Variants in NCAM2 observed in about 807,000 individuals in gnomAD.
NCAM2 encodes N-CAM-2.
NCAM2 carries 30 observed loss-of-function variants against 98.1 expected under a neutral mutation model. That is an observed-to-expected ratio of 0.31 (90% CI 0.23 to 0.41). The LOEUF is 0.41. NCAM2 is among the 10% of genes least tolerant of loss of function. NCAM2 has a pLI of 1.00. For synonymous variants in NCAM2, 368 were observed against 342.4 expected, an observed-to-expected ratio of 1.07 and a Z score of -0.83; for missense variants, 867 against 1,005.8, an observed-to-expected ratio of 0.86 and a Z score of 1.87.
chr21:21,448,838 G>A (rs1349208240), intron 12 of NCAM2, among the ~76,000 whole-genome samples: 4 of 151,988 alleles, frequency 2.6e-5, no homozygotes, highest in African/African-American at 9.7e-5. Context: ...AAGAAAATTT[G>A]TTCTGATTTG....
intron 6 of NCAM2, among the ~76,000 whole-genome samples, chr21:21,330,391 A>G (rs572815470): frequency 6.6e-6 from 1 of 152,132 alleles, no homozygotes; most frequent in East Asian, 1.9e-4. Context: ...TTTTAATACT[A>G]TTCATTTAGA....
intron 1 of NCAM2, among the ~76,000 whole-genome samples, chr21:21,056,690 G>A (rs1284741737): frequency 6.6e-6 from 1 of 151,970 alleles, no homozygotes; most frequent in Non-Finnish European, 1.5e-5. Flanking sequence ...AGGAAGAGTC[G>A]AAATTCTTCC....
chr21:21,183,529 A>G (rs1417904786), intron 1 of NCAM2, among the ~76,000 whole-genome samples: 1 of 152,154 alleles, frequency 6.6e-6, no homozygotes, highest in Non-Finnish European at 1.5e-5. Context: ...TGGTAAGGGG[A>G]GAGACCTTGT....
intron 1 of NCAM2, among the ~76,000 whole-genome samples, chr21:21,246,432 A>G (rs572985288): frequency 6.6e-6 from 1 of 152,330 alleles, no homozygotes; most frequent in East Asian, 1.9e-4. Flanking sequence ...TTGATAGATG[A>G]TAAATCAGAG....
intron 9 of NCAM2, among the ~76,000 whole-genome samples, chr21:21,387,173 TGC>T (rs941894917): frequency 6.0e-5 from 8 of 132,780 alleles, no homozygotes; most frequent in Non-Finnish European, 1.1e-4. Context: ...CTTTACTTGG[TGC>T]GCACACACAC....
intron 1 of NCAM2, among the ~76,000 whole-genome samples, chr21:21,028,798 A>G (rs1331503903): frequency 6.6e-6 from 1 of 152,194 alleles, no homozygotes; most frequent in Non-Finnish European, 1.5e-5. Context: ...AATCAAAGAC[A>G]CCTGGTCGTA....
At chr21:21,101,784 A>T (rs964520670) in intron 1 of NCAM2, among the ~76,000 whole-genome samples, 40 of 152,114 alleles carry the variant, frequency 2.6e-4, no homozygotes, top group African/African-American at 9.4e-4. Context: ...ACAAAAAAAT[A>T]AATGAACAAA....
chr21:21,232,064 T>C (rs2070649660), intron 1 of NCAM2, among the ~76,000 whole-genome samples: 1 of 151,426 alleles, frequency 6.6e-6, no homozygotes, highest in Admixed American at 6.6e-5. Context: ...TTAAAGATAA[T>C]TTTAAATCCT....
At chr21:21,214,551 G>T (rs73896606) in intron 1 of NCAM2, among the ~76,000 whole-genome samples, 147 of 151,872 alleles carry the variant, frequency 9.7e-4, no homozygotes, top group African/African-American at 3.3e-3. Context: ...GAAAATACAG[G>T]ATGTGCTATC....
chr21:21,506,018 G>A (rs1311257441), intron 15 of NCAM2, among the ~76,000 whole-genome samples: 2 of 151,946 alleles, frequency 1.3e-5, no homozygotes, highest in African/African-American at 4.8e-5. Flanking sequence ...TCCTGATGCA[G>A]TGTTTTTAAG....
intron 1 of NCAM2, among the ~76,000 whole-genome samples, chr21:21,043,850 C>CAAAAAAAA (rs72473034): frequency 5.0e-5 from 6 of 119,816 alleles, no homozygotes; most frequent in South Asian, 2.8e-4. Context: ...GAGACTCCGT[C>CAAAAAAAA]AAAAAAAAAA....
At chr21:21,433,845 A>G (rs969629675) in intron 12 of NCAM2, among the ~76,000 whole-genome samples, 4 of 151,966 alleles carry the variant, frequency 2.6e-5, no homozygotes, top group Non-Finnish European at 5.9e-5. Flanking sequence ...ACAGAAGGAA[A>G]AAAGGCATTA....
At chr21:21,388,253 C>T (rs116488739) in intron 9 of NCAM2, among the ~76,000 whole-genome samples, 407 of 152,256 alleles carry the variant, frequency 2.7e-3, no homozygotes, top group African/African-American at 9.4e-3. Flanking sequence ...AATACACTAG[C>T]CTTCTATTTG....
chr21:21,446,340 G>A (rs13049509), intron 12 of NCAM2, among the ~76,000 whole-genome samples: 60,477 of 151,742 alleles, frequency 0.4, 13,538 homozygotes, highest in Non-Finnish European at 0.51. Context: ...TATCTTAGTA[G>A]TGTTCTCTGT....
At chr21:21,082,587 C>A (rs2065829184) in intron 1 of NCAM2, among the ~76,000 whole-genome samples, 1 of 152,130 alleles carries the variant, frequency 6.6e-6, no homozygotes, top group Non-Finnish European at 1.5e-5. Flanking sequence ...ACTGCTATTA[C>A]ATCATTATAT....
intron 12 of NCAM2, among the ~76,000 whole-genome samples, chr21:21,450,536 C>T (rs1569076505): frequency 6.6e-6 from 1 of 151,900 alleles, no homozygotes; most frequent in Non-Finnish European, 1.5e-5. Flanking sequence ...TGCTGTGTTG[C>T]TCAGGATGGT....
chr21:21,055,979 A>G (rs2065201921), intron 1 of NCAM2, among the ~76,000 whole-genome samples: 1 of 152,120 alleles, frequency 6.6e-6, no homozygotes, highest in South Asian at 2.1e-4. Context: ...AGATAAAAAC[A>G]GTACACTCTT....
chr21:21,213,824 A>G (rs2069756811), intron 1 of NCAM2, among the ~76,000 whole-genome samples: 1 of 152,182 alleles, frequency 6.6e-6, no homozygotes, highest in Admixed American at 6.5e-5. Context: ...TCTCTTATAA[A>G]ATAAAACCTG....
At chr21:21,027,919 C>T (rs529890278) in intron 1 of NCAM2, among the ~76,000 whole-genome samples, 9 of 151,230 alleles carry the variant, frequency 6.0e-5, no homozygotes, top group South Asian at 2.1e-4. Flanking sequence ...TGCGGTGGCA[C>T]GATCTCGGCT....
Sources: gnomAD v4.1 joint callset for allele counts (sites outside exome capture counted in the v4.1 genomes callset) on GRCh38, gnomAD v4.1.1 for gene constraint, MANE v1.5 for transcripts, NCBI Gene and HGNC (gene_info 2026-07-23, HGNC 2026-07-21) for gene names.